The following SLC10A7 variants were observed in gnomAD, a reference collection of about 807,000 sequenced individuals.
SLC10A7 encodes the protein sodium/bile acid cotransporter 7.
Under a neutral mutation model 43.2 loss-of-function variants are expected in SLC10A7, and 29 were observed. The observed-to-expected ratio is 0.67, with a 90% CI of 0.50 to 0.92. The LOEUF is 0.92. Ranked by LOEUF, SLC10A7 falls within the 40% of genes least tolerant of loss-of-function variation. SLC10A7 has a pLI of 0.00. For synonymous variants in SLC10A7, 152 were observed against 144.8 expected (o/e 1.05, Z -0.35); for missense variants, 295 against 403.2 (o/e 0.73, Z 2.30).
At chr4:146,370,245 A>G (rs533297744) in intron 5 of SLC10A7, among the ~76,000 whole-genome samples, 1 of 152,318 alleles carries the variant, frequency 6.6e-6, no homozygotes, top group East Asian at 1.9e-4. Flanking sequence ...CCTTTCTGGC[A>G]TAGAACAACT....
chr4:146,521,439 C>G (rs1452200471), intron 1 of SLC10A7, among the ~76,000 whole-genome samples, 179 bp downstream of exon 1: 2 of 152,182 alleles, frequency 1.3e-5, no homozygotes, highest in African/African-American at 4.8e-5. Context: ...TGCCTCGTTC[C>G]TAATTACAAG....
chr4:146,318,286 A>C (rs1465444370), intron 6 of SLC10A7, among the ~76,000 whole-genome samples: 2 of 152,020 alleles, frequency 1.3e-5, no homozygotes, highest in African/African-American at 4.8e-5. Context: ...TCAGGCTTTG[A>C]ACTACAAAAC....
At chr4:146,266,934 T>C (rs761315611) in intron 10 of SLC10A7, among the ~76,000 whole-genome samples, 1 of 152,212 alleles carries the variant, frequency 6.6e-6, no homozygotes, top group Non-Finnish European at 1.5e-5. Context: ...GTCTGGTATA[T>C]AGCAAGTGTT....
chr4:146,346,585 C>G (rs1734637564), intron 5 of SLC10A7, among the ~76,000 whole-genome samples: 1 of 152,072 alleles, frequency 6.6e-6, no homozygotes, highest in South Asian at 2.1e-4. Context: ...GGTTTAATTT[C>G]AATTATAACT....
intron 5 of SLC10A7, among the ~76,000 whole-genome samples, chr4:146,389,328 A>AT (rs1385943818): frequency 6.6e-6 from 1 of 151,518 alleles, no homozygotes; most frequent in Non-Finnish European, 1.5e-5. Flanking sequence ...AAAAAAAAAA[A>AT]ACATTAAAAG....
chr4:146,308,903 G>C (rs896267197), intron 6 of SLC10A7, among the ~76,000 whole-genome samples: 4 of 152,142 alleles, frequency 2.6e-5, no homozygotes, highest in Non-Finnish European at 5.9e-5. Flanking sequence ...TAGGATCTTT[G>C]CATTCAATCA....
chr4:146,496,615 G>GCCC (rs1735923621), intron 4 of SLC10A7, among the ~76,000 whole-genome samples: 1 of 152,072 alleles, frequency 6.6e-6, no homozygotes, highest in Non-Finnish European at 1.5e-5. Flanking sequence ...CTTGTTAAGT[G>GCCC]CCCCAGTTTA....
At chr4:146,287,186 T>C in intron 9 of SLC10A7, among the ~76,000 whole-genome samples, 1 of 151,420 alleles carries the variant, frequency 6.6e-6, no homozygotes, top group South Asian at 2.1e-4. Context: ...GTGTCTGGAG[T>C]GGTGAGAACG....
chr4:146,492,127 G>C (rs1735509815), intron 4 of SLC10A7, among the ~76,000 whole-genome samples: 1 of 151,990 alleles, frequency 6.6e-6, no homozygotes. Flanking sequence ...GGCTGAGGCA[G>C]GAGAATGGCA....
At chr4:146,326,940 A>AGT (rs1291435182) in intron 5 of SLC10A7, among the ~76,000 whole-genome samples, 14 of 94,348 alleles carry the variant, frequency 1.5e-4, no homozygotes, top group Admixed American at 4.8e-4. Flanking sequence ...ACACACACAC[A>AGT]CACACACACA....
At chr4:146,401,900 A>G (rs1739251742) in intron 5 of SLC10A7, among the ~76,000 whole-genome samples, 1 of 152,196 alleles carries the variant, frequency 6.6e-6, no homozygotes, top group Non-Finnish European at 1.5e-5. Flanking sequence ...ATCAAAATAA[A>G]CTTTATATTT....
At chr4:146,490,259 A>C (rs1269260178) in intron 4 of SLC10A7, among the ~76,000 whole-genome samples, 1 of 152,200 alleles carries the variant, frequency 6.6e-6, no homozygotes, top group Non-Finnish European at 1.5e-5. Context: ...CAGAGGAACA[A>C]AAAGAATACA....
intron 3 of SLC10A7, among the ~76,000 whole-genome samples, chr4:146,507,642 C>T (rs1241047472): frequency 6.6e-6 from 1 of 152,208 alleles, no homozygotes; most frequent in East Asian, 1.9e-4. Context: ...CTGCCACCAT[C>T]ATCCCTGTCC....
intron 5 of SLC10A7, among the ~76,000 whole-genome samples, chr4:146,350,502 G>C (rs1484539635): frequency 7.0e-5 from 10 of 143,074 alleles, no homozygotes; most frequent in East Asian, 4.1e-4. Flanking sequence ...CAAAGCAGCC[G>C]GGAAGCTCGA....
rs535593889 is a variant in SLC10A7 at position 146,270,344 on chromosome 4, C to T, written c.848-11507G>A. On this transcript the variant is annotated intron_variant, in intron 10 of 11. Transcript: ENST00000335472. ...GAATATTTAACATACCTAATTATGA[C>T]ACAACTAATTCTGGTGTTCAGAATT... is the stretch of plus-strand genomic sequence containing the variant. 1.4e-4 allele frequency among the ~76,000 whole-genome samples: 21 copies of T among 152,274 alleles called. No homozygotes were observed. In the East Asian group the frequency reaches 3.7e-3, roughly 27 times the overall value.
intron 1 of SLC10A7, among the ~76,000 whole-genome samples, chr4:146,519,772 G>C (rs1454352409): frequency 1.3e-5 from 2 of 152,216 alleles, no homozygotes; most frequent in East Asian, 1.9e-4. Flanking sequence ...CCTTAACCTA[G>C]AGAGAGTCAC....
At chr4:146,257,200 T>C (rs981932662) in intron 11 of SLC10A7, among the ~76,000 whole-genome samples, 1 of 152,088 alleles carries the variant, frequency 6.6e-6, no homozygotes, top group Non-Finnish European at 1.5e-5. Context: ...TAAATAGAAA[T>C]AGAAAATTTC....
chr4:146,381,648 G>T lies in SLC10A7; in HGVS notation c.436-55652C>A, dbSNP rs77856266. Among the ~76,000 whole-genome samples the T allele has an allele frequency of 1.2e-4, 19 of 152,212 alleles. No individual in the cohort carries two copies. The East Asian group carries it at 3.7e-3, about 29-fold the overall frequency. On this transcript the variant is annotated intron_variant, in intron 5 of 11. Transcript: ENST00000335472. ...CAATGCCACTCTTTCATCAGACAAA[G>T]AGAAGCCATCAGTCTTTAGGGAGGC...
intron 10 of SLC10A7, among the ~76,000 whole-genome samples, chr4:146,264,616 A>C (rs17021321): frequency 0.021 from 3,219 of 152,222 alleles, 119 homozygotes; most frequent in African/African-American, 0.074. Flanking sequence ...TGTCCTAACC[A>C]TGTTGGCTTT....
Sources: allele counts gnomAD v4.1 joint callset (sites outside exome capture counted in the v4.1 genomes callset), GRCh38; gene constraint gnomAD v4.1.1; transcripts MANE v1.5; gene names NCBI Gene and HGNC (gene_info 2026-07-23, HGNC 2026-07-21).